The following KLRG1 variants were observed in gnomAD, a reference collection of about 807,000 sequenced individuals.
KLRG1 encodes the protein killer cell lectin-like receptor subfamily G member 1.
A neutral mutation model predicts 21.8 loss-of-function variants in KLRG1; 16 were observed. The observed-to-expected ratio is 0.73, with a 90% confidence interval of 0.50 to 1.11. The LOEUF (loss-of-function observed/expected upper bound fraction) is 1.11. Among genes scored for constraint, KLRG1 ranks in the 50% most tolerant of loss-of-function variants. KLRG1 has a pLI of 0.00. For missense variants in KLRG1, 173 were observed against 218.3 expected (o/e 0.79, Z 1.31); for synonymous variants, 69 against 75.9 (o/e 0.91, Z 0.47).
At chr12:9,201,624 A>C in the KLRG1 span, among the ~76,000 whole-genome samples, 13 of 152,104 alleles carry the variant, frequency 8.5e-5, no homozygotes, top group Non-Finnish European at 1.6e-4. Flanking sequence ...TATTATTTGG[A>C]TACTAAAATT....
the KLRG1 span, among the ~76,000 whole-genome samples, chr12:9,156,589 A>T: frequency 6.6e-6 from 1 of 152,350 alleles, no homozygotes; most frequent in Non-Finnish European, 1.5e-5. Context: ...GAGAGAAATC[A>T]TGAGAAAATG....
intron 3 of KLRG1, among the ~76,000 whole-genome samples, chr12:9,007,944 T>G (rs1264533497): frequency 6.6e-6 from 1 of 152,244 alleles, no homozygotes; most frequent in Non-Finnish European, 1.5e-5. Context: ...CTTTAACATT[T>G]TATTTTATTT....
the KLRG1 span, among the ~76,000 whole-genome samples, chr12:9,093,227 T>C: frequency 6.6e-6 from 1 of 152,138 alleles, no homozygotes; most frequent in East Asian, 1.9e-4. Flanking sequence ...GCTAAGAGGA[T>C]AGATTTTAGG....
In KLRG1 at chr12:9,010,137, GATTGT is replaced by G; in HGVS notation, c.*601_*605del. The G allele has an allele frequency of 1.3e-6, 1 of 760,726 alleles. No individual in the cohort carries two copies. The highest frequency in any genetic ancestry group is 2.2e-6 in the Non-Finnish European group (1 of 461,626). The allele number at this position is 760,726 out of a possible 1,614,324, so 47.1% of individuals were successfully genotyped here. The stretch of plus-strand genomic sequence containing the variant: ...GGAGTTTGAGGCTGCAGTGAGCTAT[GATTGT>G]GCCACTGTACTCCAGCCTGGGAGAT... On this transcript the variant is annotated 3_prime_UTR_variant, in exon 5 of 5. Transcript: ENST00000356986.
intron 1 of KLRG1, among the ~76,000 whole-genome samples, chr12:8,958,754 G>T (rs1946335996): frequency 6.6e-6 from 1 of 151,946 alleles, no homozygotes. Context: ...CTACTTGGGA[G>T]GCTAAAGTGG....
chr12:9,172,728 G>T, the KLRG1 span, among the ~76,000 whole-genome samples: 2 of 152,100 alleles, frequency 1.3e-5, no homozygotes, highest in African/African-American at 4.8e-5. Context: ...AACAAACAAA[G>T]AAGGGTAGTA....
At chr12:9,208,139 C>A in the KLRG1 span, 1 of 676,404 alleles carries the variant, frequency 1.5e-6, no homozygotes, top group Admixed American at 2.6e-5. Context: ...GGAATAATTT[C>A]TTATATTTGG....
intron 4 of KLRG1, 35 bp from the exon 5 acceptor site, chr12:9,009,391 G>C: frequency 6.2e-7 from 1 of 1,611,712 alleles, no homozygotes; most frequent in Non-Finnish European, 8.5e-7. Flanking sequence ...CTGTGCATGC[G>C]GCCTTAAGTG....
intron 3 of KLRG1, among the ~76,000 whole-genome samples, chr12:9,007,616 G>T (rs1197572984): frequency 6.6e-6 from 1 of 152,034 alleles, no homozygotes; most frequent in Non-Finnish European, 1.5e-5. Context: ...GCTGATGCAG[G>T]GTCCAAGTAG....
At chr12:9,093,649 G>C in the KLRG1 span, 1 of 782,360 alleles carries the variant, frequency 1.3e-6, no homozygotes, top group Non-Finnish European at 1.8e-6. Flanking sequence ...TGTAATAGTT[G>C]CCACCAAAAA....
At chr12:9,000,890 C>T (rs185757058) in intron 3 of KLRG1, among the ~76,000 whole-genome samples, 122 of 152,240 alleles carry the variant, frequency 8.0e-4, no homozygotes, top group African/African-American at 2.6e-3. Flanking sequence ...TGATGGTTTA[C>T]GGAGCAGGGC....
At position 8,965,886 on chromosome 12, in the gene KLRG1, C is replaced by A. The variant is rs759380074; in HGVS notation, c.-156+15650C>A. 3.9e-5 allele frequency among the ~76,000 whole-genome samples: 6 copies of A among 152,274 alleles called. No homozygotes were observed. The South Asian group carries it at 8.3e-4, about 21-fold the overall frequency. On this transcript the variant is annotated intron_variant, in intron 1 of 4. Coordinates refer to the KLRG1 transcript ENST00000539240. ...AAAGAGTCCACATTGCCAAGTCAAT[C>A]CTAAGCCAAAAGAACAAAGCTGGAG...
the KLRG1 span, among the ~76,000 whole-genome samples, chr12:9,122,633 G>T: frequency 5.9e-5 from 9 of 152,062 alleles, no homozygotes; most frequent in Admixed American, 3.9e-4. Flanking sequence ...TATGCTAAAA[G>T]ATTATTTTGC....
At chr12:9,128,685 A>T in the KLRG1 span, 1 of 151,980 alleles carries the variant, frequency 6.6e-6, no homozygotes, top group Non-Finnish European at 1.5e-5. Flanking sequence ...CAGAGGGAGG[A>T]TCCTGGGTAG....
intron 1 of KLRG1, among the ~76,000 whole-genome samples, chr12:8,983,383 T>C (rs1018553632): frequency 1.1e-4 from 16 of 149,746 alleles, no homozygotes; most frequent in Non-Finnish European, 7.4e-5. Context: ...ATTGGCAGTC[T>C]TACCATTTTA....
the KLRG1 span, among the ~76,000 whole-genome samples, chr12:9,087,601 A>G: frequency 6.6e-6 from 1 of 152,240 alleles, no homozygotes; most frequent in African/African-American, 2.4e-5. Context: ...AGCATGGTGA[A>G]TATAGTTAAT....
At chr12:9,201,165 A>C in the KLRG1 span, 1 of 1,447,644 alleles carries the variant, frequency 6.9e-7, no homozygotes, top group Non-Finnish European at 9.5e-7. Context: ...CTGGAAAGAC[A>C]AATACAGAAG....
At chr12:9,187,204 A>G in the KLRG1 span, among the ~76,000 whole-genome samples, 1 of 152,132 alleles carries the variant, frequency 6.6e-6, no homozygotes, top group Non-Finnish European at 1.5e-5. Context: ...ACAAGTGCTT[A>G]GAGACCTTCA....
chr12:9,092,222 A>G, the KLRG1 span, among the ~76,000 whole-genome samples: 1 of 152,082 alleles, frequency 6.6e-6, no homozygotes, highest in Non-Finnish European at 1.5e-5. Flanking sequence ...CCAGGTCTGA[A>G]CATACCCCTG....
Sources: gnomAD v4.1 joint callset for allele counts (sites outside exome capture counted in the v4.1 genomes callset) on GRCh38, gnomAD v4.1.1 for gene constraint, MANE v1.5 for transcripts, NCBI Gene and HGNC (gene_info 2026-07-23, HGNC 2026-07-21) for gene names.